ERC1: variants seen among roughly 807,000 people sequenced by gnomAD.
The protein encoded by ERC1 is RAB6 interacting protein 2.
Under a neutral mutation model 132.0 loss-of-function variants are expected in ERC1, and 56 were observed. The ratio of observed to expected loss-of-function variants is 0.42; its 90% CI spans 0.34 to 0.53. The LOEUF is 0.53. ERC1 is among the 20% of genes least tolerant of loss of function. The pLI is 0.03. For missense variants in ERC1, 1,202 were observed against 1,349.9 expected (o/e 0.89, Z 1.72); for synonymous variants, 478 against 476.1 (o/e 1.00, Z -0.05).
chr12:1,171,324 T>G (rs769617077), intron 8 of ERC1, among the ~76,000 whole-genome samples: 1 of 152,054 alleles, frequency 6.6e-6, no homozygotes, highest in African/African-American at 2.4e-5. Context: ...GAAGCAAAAT[T>G]TAGATGTCAG....
At position 1,268,205 on chromosome 12, in the gene ERC1, T is replaced by C. The variant is rs73595934; in HGVS notation, c.2619+5040T>C. On this transcript the variant is annotated intron_variant, in intron 14 of 18. Coordinates refer to ENST00000360905, the MANE Select transcript of ERC1 (RefSeq NM_178040.4). ...TCGTCTTTCTTATTGCCTTTTTTACTTTTAGCAATTTATTCTTTACTTTTA... is the reference window on the plus strand; with the variant it reads ...TCGTCTTTCTTATTGCCTTTTTTACCTTTAGCAATTTATTCTTTACTTTTA... Among the ~76,000 whole-genome samples the C allele has an allele frequency of 6.6e-3, 1,007 of 152,354 alleles. 18 individuals are homozygous for C. Among genetic ancestry groups the C allele is most frequent in the African/African-American group, 0.023 (977 of 41,580 alleles).
chr12:1,100,950 A>G (rs1944591350), intron 3 of ERC1, among the ~76,000 whole-genome samples: 1 of 152,088 alleles, frequency 6.6e-6, no homozygotes, highest in East Asian at 1.9e-4. Context: ...AGCTTAGGGT[A>G]AGATAGGAGG....
intron 12 of ERC1, among the ~76,000 whole-genome samples, chr12:1,206,768 A>C (rs1423776133): frequency 6.6e-6 from 1 of 152,100 alleles, no homozygotes; most frequent in East Asian, 1.9e-4. Context: ...CTTAGGTCTA[A>C]AATTGAGCTC....
chr12:1,196,923 C>CT lies in ERC1; in HGVS notation c.2351+6871_2351+6872insT, dbSNP rs1956340956. 5.2e-4 allele frequency among the ~76,000 whole-genome samples: 17 copies of CT among 32,496 alleles called. 1 individual carries two copies. The African/African-American group carries it at 6.3e-3, about 12-fold the overall frequency. The allele number at this position is 32,496 out of a possible 152,430, so 21.3% of individuals were successfully genotyped here. A position where few individuals can be genotyped will look rare whatever the true frequency, so the allele number is the denominator to read the frequency against. On this transcript the variant is annotated intron_variant, in intron 12 of 18. Coordinates refer to ENST00000360905, the MANE Select transcript of ERC1 (RefSeq NM_178040.4). ...GTCTCTCTACACACACACACACACA[C>CT]ACACACACACACACACACACACACA... is the stretch of plus-strand genomic sequence containing the variant.
In ERC1 at chr12:1,204,411, T is replaced by G. The variant is rs2154286912; in HGVS notation, c.2351+14359T>G. Reference sequence around the variant, plus strand: ...TTCTCTAATCCTGCATTTTATGATGTCCATGAATAATATTTCTGAATATTG... The same window carrying G: ...TTCTCTAATCCTGCATTTTATGATGGCCATGAATAATATTTCTGAATATTG... On this transcript the variant is annotated intron_variant, in intron 12 of 18. Coordinates refer to ENST00000360905, the MANE Select transcript of ERC1 (RefSeq NM_178040.4). 4 of 1,089,576 alleles carry G rather than the reference T, an allele frequency of 3.7e-6. No homozygotes were observed. The South Asian group carries it at 5.6e-5, about 15-fold the overall frequency. The allele number at this position is 1,089,576 out of a possible 1,614,324, so 67.5% of individuals were successfully genotyped here.
At chr12:1,120,854 C>G (rs1947006182) in intron 7 of ERC1, among the ~76,000 whole-genome samples, 1 of 152,068 alleles carries the variant, frequency 6.6e-6, no homozygotes, top group Non-Finnish European at 1.5e-5. Context: ...AGGTGAGGAC[C>G]TGCCCTTGCT....
intron 18 of ERC1, among the ~76,000 whole-genome samples, chr12:1,483,440 AGTTG>A (rs2094129853): frequency 6.6e-6 from 1 of 152,164 alleles, no homozygotes; most frequent in African/African-American, 2.4e-5. Flanking sequence ...TTTATTGGCC[AGTTG>A]GTTAATACTT....
rs181084318 is a variant in ERC1, at chr12:1,129,933, G to A, written c.1570-11687G>A. On this transcript the variant is annotated intron_variant, in intron 7 of 18. Coordinates refer to ENST00000360905, the MANE Select transcript of ERC1 (RefSeq NM_178040.4). ...GCATAGACCTTACAGTAATAGTGCC[G>A]TTACAGCCAAAACTCGCAAATCAAT... Among the ~76,000 whole-genome samples the A allele has an allele frequency of 1.6e-4, 25 of 152,182 alleles. 1 individual carries two copies. The highest frequency in any genetic ancestry group is 8.5e-4 in the Admixed American group (13 of 15,282).
chr12:1,232,073 G>GT (rs544433718), intron 12 of ERC1, among the ~76,000 whole-genome samples: 60 of 152,228 alleles, frequency 3.9e-4, no homozygotes, highest in African/African-American at 1.2e-3. Context: ...TTGGCTGGCA[G>GT]TTTTTGTCTA....
chr12:1,102,791 G>A (rs1944820554), intron 3 of ERC1, among the ~76,000 whole-genome samples: 1 of 152,184 alleles, frequency 6.6e-6, no homozygotes, highest in Non-Finnish European at 1.5e-5. Flanking sequence ...AAAAAGTAGA[G>A]CGAAGTAAAG....
rs868777879 is a variant in ERC1 at position 1,228,205 on chromosome 12, A to T, written c.2352-8564A>T. On this transcript the variant is annotated intron_variant, in intron 12 of 18. Coordinates refer to ENST00000360905, the MANE Select transcript of ERC1 (RefSeq NM_178040.4). Reference sequence around the variant, plus strand: ...CCATTGGTATTTTGATAGAGGCTGCATTGAATCCATAGATTGCTTTGAGTA... The same window carrying T: ...CCATTGGTATTTTGATAGAGGCTGCTTTGAATCCATAGATTGCTTTGAGTA... Among the ~76,000 whole-genome samples, 13 of 152,194 alleles carry T rather than the reference A, an allele frequency of 8.5e-5. No individual in the cohort carries two copies. In the South Asian group the frequency reaches 2.5e-3, roughly 29 times the overall value.
chr12:992,389 A>G (rs1415928120), intron 1 of ERC1, among the ~76,000 whole-genome samples: 2 of 152,230 alleles, frequency 1.3e-5, no homozygotes, highest in African/African-American at 2.4e-5. Context: ...GTTTTAAAGT[A>G]CAACCGTCTT....
rs1345029514 is a variant in ERC1 at position 1,494,466 on chromosome 12, ATACAT to A, written c.*4241_*4245del. 3 of 231,950 alleles carry A rather than the reference ATACAT, an allele frequency of 1.3e-5. No individual in the cohort carries two copies. Among genetic ancestry groups the A allele is most frequent in the Non-Finnish European group, 2.6e-5 (3 of 117,330 alleles). The allele number at this position is 231,950 out of a possible 1,614,324, so 14.4% of individuals were successfully genotyped here. On this transcript the variant is annotated 3_prime_UTR_variant, in exon 19 of 19. Coordinates refer to ENST00000360905, the MANE Select transcript of ERC1 (RefSeq NM_178040.4). Reference sequence around the variant, plus strand: ...ACCTACTCTTCTTGCAAGAAAAGACATACATTACAGGGAAATCCTTCTGAACAAAA... The same window carrying A: ...ACCTACTCTTCTTGCAAGAAAAGACATACAGGGAAATCCTTCTGAACAAAA...
At chr12:1,315,263 C>T (rs2081602569) in intron 15 of ERC1, among the ~76,000 whole-genome samples, 1 of 152,154 alleles carries the variant, frequency 6.6e-6, no homozygotes, top group African/African-American at 2.4e-5. Flanking sequence ...GTGATCCACC[C>T]ACCTCGGCCT....
chr12:1,259,974 G>A (rs1291136594), intron 13 of ERC1, among the ~76,000 whole-genome samples: 1 of 152,080 alleles, frequency 6.6e-6, no homozygotes, highest in Non-Finnish European at 1.5e-5. Context: ...TCCTTTCTCT[G>A]CTGTAGTGTG....
chr12:1,194,407 C>T (rs983335132), intron 12 of ERC1, among the ~76,000 whole-genome samples: 7 of 151,970 alleles, frequency 4.6e-5, no homozygotes, highest in African/African-American at 9.7e-5. Context: ...GGTGACAGAG[C>T]GAGACTCTGT....
chr12:1,373,368 G>A (rs1454259981), intron 16 of ERC1, among the ~76,000 whole-genome samples: 2 of 152,226 alleles, frequency 1.3e-5, no homozygotes, highest in Non-Finnish European at 2.9e-5. Context: ...AGCAGTTCTT[G>A]ATCTCTTCAC....
chr12:1,418,248 T>C (rs944646746), intron 17 of ERC1, among the ~76,000 whole-genome samples: 5 of 152,326 alleles, frequency 3.3e-5, no homozygotes, highest in Admixed American at 2.0e-4. Flanking sequence ...CACGTTGGCA[T>C]TGGATACAAC....
chr12:1,161,933 CTA>C (rs375294818), intron 8 of ERC1, among the ~76,000 whole-genome samples: 10 of 152,126 alleles, frequency 6.6e-5, no homozygotes, highest in African/African-American at 2.2e-4. Flanking sequence ...TACTGAGAAA[CTA>C]TGTTATTTTG....
Sources: gnomAD v4.1 joint callset for allele counts (sites outside exome capture counted in the v4.1 genomes callset) on GRCh38, gnomAD v4.1.1 for gene constraint, MANE v1.5 for transcripts, NCBI Gene and HGNC (gene_info 2026-07-23, HGNC 2026-07-21) for gene names.